LAMA3: variants seen among roughly 807,000 people sequenced by gnomAD.
LAMA3 encodes the protein laminin subunit alpha-3.
A neutral mutation model predicts 402.0 loss-of-function variants in LAMA3; 281 were observed. The ratio of observed to expected loss-of-function variants is 0.70; its 90% CI spans 0.63 to 0.77. The LOEUF is 0.77. Among genes scored for constraint, LAMA3 ranks in the 30% least tolerant of loss-of-function variants. LAMA3 has a pLI of 0.00. For synonymous variants in LAMA3, 1,431 were observed against 1,558.4 expected, an observed-to-expected ratio of 0.92 and a Z score of 1.93; for missense variants, 3,840 against 4,215.5, an observed-to-expected ratio of 0.91 and a Z score of 2.47.
At chr18:23,946,576 C>A in intron 70 of LAMA3, 1 of 400,334 alleles carries the variant, frequency 2.5e-6, no homozygotes, top group South Asian at 3.0e-5. Flanking sequence ...AATGCAAAAA[C>A]GTAGGTTTTA....
chr18:23,748,464 C>A (rs1340627095), intron 3 of LAMA3, among the ~76,000 whole-genome samples: 1 of 150,388 alleles, frequency 6.6e-6, no homozygotes, highest in Non-Finnish European at 1.5e-5. Context: ...CTCAGTATGA[C>A]TAGTTAGGGA....
chr18:23,820,399 C>T (rs1457419827), intron 19 of LAMA3, among the ~76,000 whole-genome samples: 1 of 152,104 alleles, frequency 6.6e-6, no homozygotes, highest in Non-Finnish European at 1.5e-5. Context: ...TTAAGTAATT[C>T]CAGTAAAGCT....
chr18:23,832,595 C>T (rs2063508690), intron 23 of LAMA3, among the ~76,000 whole-genome samples: 1 of 152,168 alleles, frequency 6.6e-6, no homozygotes. Flanking sequence ...AGTATGTGTA[C>T]ACACTTTGAC....
Position 23,907,569 on chromosome 18 carries a change from C to T in LAMA3, c.6738C>T (p.Asn2246=). ...KLKQEVSPAL[N]NLQQTLNIVT... ...TTTTAGAAGTCAGTCCAGCTCTCAA[C>T]AACCTACAGCAAACCCTGAATATTG... The change falls in exon 53 of 75, where the codon AAC becomes AAT. Residue 2246 remains asparagine (N), a synonymous_variant. Transcript: ENST00000313654. 6.2e-7 allele frequency: 1 copy of T among 1,613,490 alleles called. No homozygotes were observed. Among genetic ancestry groups the T allele is most frequent in the Non-Finnish European group, 8.5e-7 (1 of 1,179,434 alleles).
chr18:23,866,447 T>C (rs2064360890), intron 36 of LAMA3, among the ~76,000 whole-genome samples: 1 of 152,234 alleles, frequency 6.6e-6, no homozygotes, highest in African/African-American at 2.4e-5. Context: ...TTTTTACTGG[T>C]ATGCAAATCT....
At chr18:23,734,707 G>A (rs774557321) in intron 2 of LAMA3, among the ~76,000 whole-genome samples, 1 of 152,230 alleles carries the variant, frequency 6.6e-6, no homozygotes, top group South Asian at 2.1e-4. Context: ...ATAGCCCCAC[G>A]TGGCCATCCT....
chr18:23,728,074 A>C (rs1342522009), intron 2 of LAMA3, among the ~76,000 whole-genome samples: 1 of 152,164 alleles, frequency 6.6e-6, no homozygotes, highest in East Asian at 1.9e-4. Context: ...CTATTCAGAT[A>C]CATCCTGAAA....
intron 30 of LAMA3, 71 bp from the exon 31 acceptor site, chr18:23,846,226 A>T: frequency 6.9e-7 from 1 of 1,458,228 alleles, no homozygotes. Flanking sequence ...AGCAGGTGGT[A>T]AAGGCAAGGT....
intron 23 of LAMA3, among the ~76,000 whole-genome samples, chr18:23,831,371 C>A (rs2063487428): frequency 6.6e-6 from 1 of 152,110 alleles, no homozygotes; most frequent in Admixed American, 6.5e-5. Context: ...TACCTTCAGT[C>A]TCTTGGGCTT....
intron 11 of LAMA3, chr18:23,781,251 G>A: frequency 2.2e-6 from 1 of 455,398 alleles, no homozygotes; most frequent in Non-Finnish European, 4.4e-6. Flanking sequence ...CAGCCTACAG[G>A]GCTGTGGCAT....
intron 4 of LAMA3, among the ~76,000 whole-genome samples, chr18:23,750,707 G>A (rs959282222): frequency 4.6e-5 from 7 of 151,982 alleles, no homozygotes; most frequent in Non-Finnish European, 7.4e-5. Flanking sequence ...TTTCAAAGAC[G>A]TATTGCCAGA....
At chr18:23,893,922 G>A (rs1277849760) in intron 42 of LAMA3, among the ~76,000 whole-genome samples, 1 of 152,166 alleles carries the variant, frequency 6.6e-6, no homozygotes, top group Non-Finnish European at 1.5e-5. Context: ...GCGAATGATC[G>A]AGACGTTTGA....
chr18:23,868,629 A>G (rs1014495269), intron 37 of LAMA3, among the ~76,000 whole-genome samples: 10 of 152,184 alleles, frequency 6.6e-5, no homozygotes, highest in Admixed American at 5.9e-4. Flanking sequence ...CAAACAAACA[A>G]AAAACCTGTG....
chr18:23,909,534 T>G (rs2081363948), intron 55 of LAMA3, among the ~76,000 whole-genome samples: 1 of 152,202 alleles, frequency 6.6e-6, no homozygotes, highest in East Asian at 1.9e-4. Flanking sequence ...CCCATTGAGT[T>G]TATTCAGGCA....
chr18:23,793,265 G>C (rs1290966170), intron 12 of LAMA3, among the ~76,000 whole-genome samples: 1 of 152,098 alleles, frequency 6.6e-6, no homozygotes, highest in African/African-American at 2.4e-5. Flanking sequence ...CTCTGGACTG[G>C]TCGGTGTGCA....
intron 23 of LAMA3, among the ~76,000 whole-genome samples, chr18:23,831,409 A>G (rs2144502341): frequency 6.6e-6 from 1 of 151,992 alleles, no homozygotes; most frequent in Middle Eastern, 3.4e-3. Flanking sequence ...ACAGCATTCT[A>G]TGTTGTATGT....
At chr18:23,848,088 C>T (rs571598924) in intron 32 of LAMA3, among the ~76,000 whole-genome samples, 41 of 152,278 alleles carry the variant, frequency 2.7e-4, no homozygotes, top group Non-Finnish European at 4.9e-4. Flanking sequence ...TTCTAGGGTT[C>T]GCTGGCAGTG....
rs115543825 is a variant in LAMA3 at position 23,883,707 on chromosome 18, C to T, written c.5223-1066C>T. Among the ~76,000 whole-genome samples the T allele has an allele frequency of 9.1e-4, 138 of 152,320 alleles. 1 individual carries two copies. Among genetic ancestry groups the T allele is most frequent in the African/African-American group, 3.1e-3 (127 of 41,562 alleles). ...GATCAATCACATGAGCTTGCCCAGA[C>T]TTGTTTGAAGAGAAGCTGGCAAAAG... On this transcript the variant is annotated intron_variant, in intron 40 of 74. Transcript: ENST00000313654.
At position 23,842,515 on chromosome 18, in the gene LAMA3, C is replaced by T. The variant is rs779459624; in HGVS notation, c.3457C>T (p.Arg1153Trp). The T allele has an allele frequency of 1.6e-5, 26 of 1,614,076 alleles. No individual in the cohort carries two copies. The highest frequency in any genetic ancestry group is 1.2e-4 in the Admixed American group (7 of 59,994). Residue 1153 changes from arginine to tryptophan, a missense_variant, in exon 28 of 75, where the codon CGG becomes TGG. This residue lies in a region of LAMA3 where 2,109 missense variants were observed against 2,376.0 expected (regional missense o/e 0.89). Coordinates refer to ENST00000313654, the MANE Select transcript of LAMA3 (RefSeq NM_198129.4). ...AQVSVDGGWP[R>W]AGSFHASFCP... ...GGTGTCGGTGGATGGCGGGTGGCCACGGGCAGGTGAGCTGCAGTGAGCAGG... is the reference window on the plus strand; with the variant it reads ...GGTGTCGGTGGATGGCGGGTGGCCATGGGCAGGTGAGCTGCAGTGAGCAGG...
Sources: allele counts gnomAD v4.1 joint callset (sites outside exome capture counted in the v4.1 genomes callset), GRCh38; gene constraint gnomAD v4.1.1; regional missense constraint gnomAD v4.1.1; transcripts MANE v1.5; gene names NCBI Gene and HGNC (gene_info 2026-07-23, HGNC 2026-07-21).